LRPAP1: variants seen among roughly 807,000 people sequenced by gnomAD.
LRPAP1 encodes the protein LDL receptor related protein associated protein 1.
In LRPAP1, 41 loss-of-function variants were observed where a neutral mutation model predicts 39.9. The observed-to-expected ratio is 1.03, with a 90% CI of 0.80 to 1.33. LRPAP1 has a LOEUF of 1.33. Ranked by LOEUF, LRPAP1 falls within the 40% of genes most tolerant of loss-of-function variation. The pLI is 0.00. For synonymous variants in LRPAP1, 263 were observed against 212.7 expected, an observed-to-expected ratio of 1.24 and a Z score of -2.06; for missense variants, 565 against 482.3, an observed-to-expected ratio of 1.17 and a Z score of -1.61.
In LRPAP1 at chr4:3,532,353, C is replaced by A; in HGVS notation, c.60G>T (p.Leu20=). ...CAGCGGGCCAGGGCCCGAGGAAGAGCAGCAGCAGTAGCAGCGCCGGGAGCC... is the reference window on the plus strand; with the variant it reads ...CAGCGGGCCAGGGCCCGAGGAAGAGAAGCAGCAGTAGCAGCGCCGGGAGCC... ...LRGLPALLLL[L]LFLGPWPAAS... Residue 20 remains leucine (L), a synonymous_variant, in exon 1 of 8, where the codon CTG becomes CTT. Coordinates refer to ENST00000650182, the MANE Select transcript of LRPAP1 (RefSeq NM_002337.4). The A allele has an allele frequency of 6.3e-7, 1 of 1,594,690 alleles. No individual in the cohort carries two copies. Among genetic ancestry groups the A allele is most frequent in the South Asian group, 1.1e-5 (1 of 88,344 alleles).
chr4:3,525,881 G>T (rs926619846), intron 1 of LRPAP1, among the ~76,000 whole-genome samples: 38 of 152,382 alleles, frequency 2.5e-4, no homozygotes, highest in African/African-American at 9.1e-4. Context: ...ATGCCAGGCG[G>T]CCGAGGCAAG....
chr4:3,524,098 G>A (rs1226771450), intron 2 of LRPAP1, among the ~76,000 whole-genome samples: 1 of 152,184 alleles, frequency 6.6e-6, no homozygotes, highest in African/African-American at 2.4e-5. Flanking sequence ...ACTCTCCGGA[G>A]CAGCCCCAAC....
rs766538982 is a variant in LRPAP1 at position 3,532,252 on chromosome 4, A to T, written c.161T>A (p.Phe54Tyr). ...PSPKRESGEEFRMEKLNQLWE... is the reference protein window; with the variant it reads ...PSPKRESGEEYRMEKLNQLWE... ...CAGCTGGTTCAACTTCTCCATGCGG[A>T]ACTCCTCTCCGGACTCGCGTTTCGG... The change falls in exon 1 of 8, where the codon TTC becomes TAC. Residue 54 changes from phenylalanine (F) to tyrosine (Y), a missense_variant. Coordinates refer to ENST00000650182, the MANE Select transcript of LRPAP1 (RefSeq NM_002337.4). 19 of 1,552,230 alleles carry T rather than the reference A, an allele frequency of 1.2e-5. No individual in the cohort carries two copies. The Admixed American group carries it at 3.7e-4, about 30-fold the overall frequency.
chr4:3,523,951 C>T (rs1429626621), intron 2 of LRPAP1, among the ~76,000 whole-genome samples: 1 of 151,006 alleles, frequency 6.6e-6, no homozygotes. Flanking sequence ...GCCGGGGGCC[C>T]AGGTCACACA....
chr4:3,507,040 G>A lies in LRPAP1; in HGVS notation c.*5934C>T, dbSNP rs1228224525. ...GAGACCAGCCTGGGCAACACAGCGA[G>A]ACCCAGTCTCTATAAAAAAAACCTT... is the stretch of plus-strand genomic sequence containing the variant. On this transcript the variant is annotated 3_prime_UTR_variant, in exon 8 of 8. Coordinates refer to ENST00000650182, the MANE Select transcript of LRPAP1 (RefSeq NM_002337.4). 1 of 152,168 alleles carries A rather than the reference G, an allele frequency of 6.6e-6. No individual in the cohort carries two copies. The highest frequency in any genetic ancestry group is 1.5e-5 in the Non-Finnish European group (1 of 68,042). 9.4% of individuals were successfully genotyped at this position (152,168 alleles called of 1,614,324 possible).
chr4:3,518,832 G>C, intron 4 of LRPAP1, 39 bp downstream of exon 4: 1 of 1,358,306 alleles, frequency 7.4e-7, no homozygotes, highest in Non-Finnish European at 1.0e-6. Flanking sequence ...GCAGGAGGGG[G>C]TGGGGCAGAG....
rs756331562 is a variant in LRPAP1 at position 3,518,165 on chromosome 4, G to A, written c.620C>T (p.Ser207Leu). The A allele has an allele frequency of 2.9e-5, 46 of 1,612,894 alleles. No homozygotes were observed. The Admixed American group carries it at 6.0e-4, about 21-fold the overall frequency. Residue 207 changes from serine to leucine, a missense_variant, in exon 5 of 8, where the codon TCG (serine) becomes TTG (leucine). Transcript: ENST00000650182. ...GCTGCCCTTGATGTCGCTCAGGTCC[G>A]AGGGGCTAATGACGTTCTCGTGGAT... ...EEIHENVISPSDLSDIKGSVL... is the reference protein window; with the variant it reads ...EEIHENVISPLDLSDIKGSVL...
chr4:3,514,617 G>T, intron 7 of LRPAP1, 135 bp downstream of exon 7: 4 of 1,174,988 alleles, frequency 3.4e-6, no homozygotes, highest in Non-Finnish European at 4.7e-6. Context: ...TGTGGCCCTG[G>T]GGTTCAACTC....
chr4:3,520,049 G>A (rs1287197830), intron 3 of LRPAP1, 23 bp downstream of exon 3: 1 of 1,612,906 alleles, frequency 6.2e-7, no homozygotes, highest in African/African-American at 1.3e-5. Context: ...ATTCTGCAAG[G>A]TATGCAAACA....
chr4:3,521,580 C>T (rs1218896138), intron 2 of LRPAP1, among the ~76,000 whole-genome samples: 2 of 152,330 alleles, frequency 1.3e-5, no homozygotes, highest in East Asian at 3.9e-4. Context: ...CCTCTGATCC[C>T]TCCTGTCTCA....
chr4:3,519,776 C>G (rs1030894291), intron 3 of LRPAP1, among the ~76,000 whole-genome samples: 7 of 152,230 alleles, frequency 4.6e-5, no homozygotes, highest in African/African-American at 1.7e-4. Flanking sequence ...AAGAACGCAG[C>G]CCATGCTACG....
chr4:3,531,248 G>A (rs538459486), intron 1 of LRPAP1, among the ~76,000 whole-genome samples: 2 of 152,156 alleles, frequency 1.3e-5, no homozygotes, highest in Admixed American at 6.5e-5. Context: ...CCATCCCCAC[G>A]CAGTCTTATA....
At chr4:3,515,050 C>A in intron 6 of LRPAP1, 122 bp from the exon 7 acceptor site, 1 of 1,105,576 alleles carries the variant, frequency 9.0e-7, no homozygotes, top group Non-Finnish European at 1.3e-6. Context: ...ACAGGCCTTG[C>A]GGTGACATGG....
rs867219819 is a variant in LRPAP1, at chr4:3,509,611, T to C, written c.*3363A>G. 5 of 5,208 alleles carry C rather than the reference T, an allele frequency of 9.6e-4. 2 individuals carry two copies. Among genetic ancestry groups the C allele is most frequent in the African/African-American group, 9.6e-3 (5 of 522 alleles). 0.3% of individuals were successfully genotyped at this position (5,208 alleles called of 1,614,324 possible). On this transcript the variant is annotated 3_prime_UTR_variant, in exon 8 of 8. Coordinates refer to ENST00000650182, the MANE Select transcript of LRPAP1 (RefSeq NM_002337.4). ...CAGTCAACGCGTGGACACCGGAGAC[T>C]GTTGAGACGCCGACTGGAGTCACAC... is the stretch of plus-strand genomic sequence containing the variant.
At position 3,512,964 on chromosome 4, in the gene LRPAP1, C is replaced by G; in HGVS notation, c.*10G>C. ...GCCTCTTCCCTGCCGGGCTGGGCTC[C>G]CCAATGCCTTCAGAGTTCGTTGTGC... On this transcript the variant is annotated 3_prime_UTR_variant, in exon 8 of 8. Transcript: ENST00000650182. 6.2e-7 allele frequency: 1 copy of G among 1,608,204 alleles called. No homozygotes were observed. Among genetic ancestry groups the G allele is most frequent in the Non-Finnish European group, 8.5e-7 (1 of 1,177,772 alleles).
rs767293311 is a variant in LRPAP1, at chr4:3,514,837, T to C, written c.926A>G (p.Glu309Gly). The change falls in exon 7 of 8, where the codon GAG becomes GGG. Residue 309 changes from glutamate to glycine, a missense_variant. Glu to Gly is a moderately conservative substitution (Grantham distance 98). Coordinates refer to ENST00000650182, the MANE Select transcript of LRPAP1 (RefSeq NM_002337.4). Reference protein sequence around the residue: ...EIAHEKLRHAESVGDGERVSR... With the variant: ...EIAHEKLRHAGSVGDGERVSR... ...CACACGCTCGCCGTCGCCCACGCTC[T>C]CTGCGTGCCTCAGCTTCTCGTGCGC... 1.9e-5 allele frequency: 30 copies of C among 1,613,742 alleles called. No homozygotes were observed. The South Asian group carries it at 3.1e-4, about 17-fold the overall frequency.
intron 1 of LRPAP1, among the ~76,000 whole-genome samples, chr4:3,525,733 C>T (rs1477837870): frequency 6.6e-6 from 1 of 152,154 alleles, no homozygotes; most frequent in Admixed American, 6.5e-5. Flanking sequence ...CTTCATTCAT[C>T]CCACCCCTGC....
At position 3,517,085 on chromosome 4, in the gene LRPAP1, C is replaced by T. The variant is rs1472023576; in HGVS notation, c.752-887G>A. 2.7e-5 allele frequency among the ~76,000 whole-genome samples: 4 copies of T among 150,654 alleles called. No homozygotes were observed. The East Asian group carries it at 6.0e-4, about 23-fold the overall frequency. On this transcript the variant is annotated intron_variant, in intron 5 of 7. Coordinates refer to ENST00000650182, the MANE Select transcript of LRPAP1 (RefSeq NM_002337.4). ...TGCATCGCAGGCCTACAAGGTGGTC[C>T]AGCCCCCAGCACTACGGCCAAAAGC...
chr4:3,512,147 A>T lies in LRPAP1; in HGVS notation c.*827T>A, dbSNP rs1729544288. 6.6e-6 allele frequency: 1 copy of T among 151,768 alleles called. No homozygotes were observed. The allele number at this position is 151,768 out of a possible 1,614,324, so 9.4% of individuals were successfully genotyped here. Reference sequence around the variant, plus strand: ...GCCTCTTCCAGGCTCAGACACAGGAACATTCTCGGAGCCGGACCTGAGCAA... The same window carrying T: ...GCCTCTTCCAGGCTCAGACACAGGATCATTCTCGGAGCCGGACCTGAGCAA... On this transcript the variant is annotated 3_prime_UTR_variant, in exon 8 of 8. Coordinates refer to ENST00000650182, the MANE Select transcript of LRPAP1 (RefSeq NM_002337.4).
Sources: gnomAD v4.1 joint callset for allele counts (sites outside exome capture counted in the v4.1 genomes callset) on GRCh38, gnomAD v4.1.1 for gene constraint, MANE v1.5 for transcripts, NCBI Gene and HGNC (gene_info 2026-07-23, HGNC 2026-07-21) for gene names.